The following PKIA variants were observed in gnomAD, a reference collection of about 807,000 sequenced individuals.
PKIA encodes the protein cAMP-dependent protein kinase inhibitor alpha.
In PKIA, 4 loss-of-function variants were observed where a neutral mutation model predicts 7.6. The observed-to-expected ratio is 0.52, with a 90% CI of 0.26 to 1.20. PKIA has a LOEUF of 1.20. PKIA is among the 50% of genes most tolerant of loss of function. The pLI is 0.13. For missense variants in PKIA, 73 were observed against 86.2 expected (o/e 0.85, Z 0.61); for synonymous variants, 21 against 30.7 (o/e 0.68, Z 1.04).
chr8:78,558,878 A>G (rs1807215580), intron 1 of PKIA, among the ~76,000 whole-genome samples: 1 of 152,132 alleles, frequency 6.6e-6, no homozygotes, highest in Admixed American at 6.5e-5. Context: ...CTGGATATTC[A>G]TATTATGTTA....
At chr8:78,585,936 T>A (rs538829871) in intron 2 of PKIA, among the ~76,000 whole-genome samples, 1 of 152,312 alleles carries the variant, frequency 6.6e-6, no homozygotes, top group Admixed American at 6.5e-5. Context: ...TTGCCTTCAC[T>A]AAACAGTGCT....
chr8:78,540,498 G>T (rs1806656078), intron 1 of PKIA, among the ~76,000 whole-genome samples: 1 of 152,048 alleles, frequency 6.6e-6, no homozygotes, highest in African/African-American at 2.4e-5. Context: ...GATGGGAGAG[G>T]CTGTGACATA....
intron 1 of PKIA, among the ~76,000 whole-genome samples, chr8:78,562,855 A>C (rs1807316728): frequency 1.3e-5 from 2 of 152,034 alleles, no homozygotes; most frequent in Admixed American, 1.3e-4. Context: ...CTTTCAACAG[A>C]GACTGGTATC....
At chr8:78,562,874 G>T (rs1807317181) in intron 1 of PKIA, among the ~76,000 whole-genome samples, 1 of 151,348 alleles carries the variant, frequency 6.6e-6, no homozygotes. Flanking sequence ...TCTGGTAGAT[G>T]CTCAGGAAAT....
chr8:78,517,881 GA>G (rs1809345173), intron 1 of PKIA, among the ~76,000 whole-genome samples: 1 of 152,158 alleles, frequency 6.6e-6, no homozygotes, highest in South Asian at 2.1e-4. Flanking sequence ...CTATTTAAAG[GA>G]AGATCTGTTA....
At chr8:78,579,305 GTAACATTCC>G (rs1056768471) in intron 2 of PKIA, among the ~76,000 whole-genome samples, 4 of 151,816 alleles carry the variant, frequency 2.6e-5, no homozygotes, top group Non-Finnish European at 5.9e-5. Context: ...TTTAAACCAG[GTAACATTCC>G]TGTCCAAAAC....
At chr8:78,528,489 T>G (rs1050137752) in intron 1 of PKIA, among the ~76,000 whole-genome samples, 3 of 151,970 alleles carry the variant, frequency 2.0e-5, no homozygotes, top group African/African-American at 4.8e-5. Context: ...AAGTGATGTT[T>G]CTAAAATTAA....
intron 2 of PKIA, among the ~76,000 whole-genome samples, chr8:78,590,090 C>T (rs553114195): frequency 6.6e-6 from 1 of 152,224 alleles, no homozygotes; most frequent in Non-Finnish European, 1.5e-5. Context: ...AACTTTCAAA[C>T]AAAAATTATA....
chr8:78,520,723 A>G (rs1018621132), intron 1 of PKIA, among the ~76,000 whole-genome samples: 8 of 152,306 alleles, frequency 5.3e-5, no homozygotes, highest in African/African-American at 1.9e-4. Flanking sequence ...AACTCAGTAA[A>G]GTCTGTACAT....
intron 2 of PKIA, among the ~76,000 whole-genome samples, chr8:78,574,077 C>T (rs1807617946): frequency 6.6e-6 from 1 of 151,936 alleles, no homozygotes; most frequent in South Asian, 2.1e-4. Flanking sequence ...GGGAGAAAAT[C>T]CATCAGATAA....
At position 78,601,757 on chromosome 8, in the gene PKIA, C is replaced by T; in HGVS notation, c.167C>T (p.Ala56Val). The T allele has an allele frequency of 6.2e-7, 1 of 1,611,756 alleles. No homozygotes were observed. Residue 56 changes from alanine to valine, a missense_variant, in exon 4 of 4, where the codon GCA becomes GTA. Physicochemically the swap from Ala to Val is moderately conservative, Grantham distance 64. Coordinates refer to ENST00000396418, the MANE Select transcript of PKIA (RefSeq NM_006823.4). ...DINKTEGEED[A>V]QRSSTEQSGE... is the part of the protein sequence containing the mutation. ...TCTTTTGCAGAAGGTGAAGAAGATG[C>T]ACAACGAAGTTCTACAGAACAAAGT...
intron 2 of PKIA, among the ~76,000 whole-genome samples, chr8:78,584,387 G>A (rs1041219074): frequency 2.0e-5 from 3 of 152,062 alleles, no homozygotes; most frequent in Admixed American, 1.3e-4. Context: ...GCCAAGCATG[G>A]CTATAATTTC....
intron 1 of PKIA, among the ~76,000 whole-genome samples, chr8:78,564,245 A>G (rs559059656): frequency 1.3e-5 from 2 of 152,030 alleles, no homozygotes; most frequent in South Asian, 2.1e-4. Flanking sequence ...TAGTCAGAGC[A>G]GTATTCCCAG....
chr8:78,565,396 C>T (rs1807379220), intron 1 of PKIA, among the ~76,000 whole-genome samples: 2 of 152,016 alleles, frequency 1.3e-5, no homozygotes, highest in South Asian at 4.2e-4. Flanking sequence ...ATGAACACAT[C>T]CACTATTTTA....
At chr8:78,524,090 AT>A (rs1466491658) in intron 1 of PKIA, among the ~76,000 whole-genome samples, 3 of 95,498 alleles carry the variant, frequency 3.1e-5, no homozygotes, top group Non-Finnish European at 6.4e-5. Flanking sequence ...ATAAATAAAC[AT>A]TTATATTTAT....
chr8:78,557,598 T>C (rs538070465), intron 1 of PKIA, among the ~76,000 whole-genome samples: 1 of 152,316 alleles, frequency 6.6e-6, no homozygotes, highest in African/African-American at 2.4e-5. Context: ...ATTAATTACT[T>C]GGCTGTCAGC....
intron 2 of PKIA, among the ~76,000 whole-genome samples, chr8:78,577,163 T>C (rs898444046): frequency 6.6e-6 from 1 of 151,992 alleles, no homozygotes; most frequent in Non-Finnish European, 1.5e-5. Context: ...CGTGCAGGTT[T>C]GTTATATATG....
intron 3 of PKIA, among the ~76,000 whole-genome samples, chr8:78,599,742 G>T (rs1183687362): frequency 6.6e-6 from 1 of 151,886 alleles, no homozygotes; most frequent in Non-Finnish European, 1.5e-5. Context: ...TATTTTTGCT[G>T]CAGTCTTGCA....
At chr8:78,524,005 TATAA>T (rs1473046805) in intron 1 of PKIA, among the ~76,000 whole-genome samples, 4 of 116,962 alleles carry the variant, frequency 3.4e-5, no homozygotes, top group Non-Finnish European at 5.2e-5. Flanking sequence ...AACATTTATA[TATAA>T]ATATATATAA....
Sources: gnomAD v4.1 joint callset for allele counts (sites outside exome capture counted in the v4.1 genomes callset) on GRCh38, gnomAD v4.1.1 for gene constraint, MANE v1.5 for transcripts, NCBI Gene and HGNC (gene_info 2026-07-23, HGNC 2026-07-21) for gene names.